The following FLYWCH1 variants were observed in gnomAD, a reference collection of about 807,000 sequenced individuals.
FLYWCH1 encodes the protein FLYWCH-type zinc finger 1.
Under a neutral mutation model 66.4 loss-of-function variants are expected in FLYWCH1, and 75 were observed. That is an observed-to-expected ratio of 1.13 (90% confidence interval 0.94 to 1.37). FLYWCH1 has a LOEUF of 1.37. FLYWCH1 is among the 40% of genes most tolerant of loss of function. FLYWCH1 has a pLI of 0.00. For synonymous variants in FLYWCH1, 595 were observed against 429.9 expected (o/e 1.38, Z -4.75); for missense variants, 1,334 against 1,001.8 (o/e 1.33, Z -4.48).
intron 8 of FLYWCH1, 177 bp from the exon 9 acceptor site, chr16:2,939,855 A>G: frequency 1.6e-6 from 1 of 606,554 alleles, no homozygotes; most frequent in Non-Finnish European, 2.7e-6. Flanking sequence ...TTAGGAGCTC[A>G]AGTAGCTGCT....
chr16:2,946,083 G>C (rs1371102584), intron 9 of FLYWCH1, among the ~76,000 whole-genome samples: 1 of 152,106 alleles, frequency 6.6e-6, no homozygotes, highest in African/African-American at 2.4e-5. Context: ...GTTTTAAACT[G>C]AGTGTAATTA....
chr16:2,948,730 C>T lies in FLYWCH1; in HGVS notation c.*3C>T, dbSNP rs548079919. 12 of 1,613,778 alleles carry T rather than the reference C, an allele frequency of 7.4e-6. No individual in the cohort carries two copies. The African/African-American group carries it at 9.3e-5, about 13-fold the overall frequency. On this transcript the variant is annotated 3_prime_UTR_variant, in exon 10 of 10. Transcript: ENST00000253928. The stretch of plus-strand genomic sequence containing the variant: ...GACTGGATGGCGAGTCCCAGTGAGG[C>T]GATGTGGGCAGAGGAGCTCCGAGCC...
intron 9 of FLYWCH1, among the ~76,000 whole-genome samples, 160 bp from the exon 10 acceptor site, chr16:2,948,528 A>C (rs187218149): frequency 7.5e-4 from 114 of 152,250 alleles, no homozygotes; most frequent in African/African-American, 2.5e-3. Flanking sequence ...GCACCACTGC[A>C]CTCCAGCCTG....
At chr16:2,925,123 C>G (rs2070512361) in intron 2 of FLYWCH1, among the ~76,000 whole-genome samples, 1 of 152,228 alleles carries the variant, frequency 6.6e-6, no homozygotes, top group African/African-American at 2.4e-5. Flanking sequence ...GTCACTGTGC[C>G]AGCCTGCATA....
At chr16:2,933,084 C>A (rs760718595) in intron 4 of FLYWCH1, 46 bp from the exon 5 acceptor site, 1 of 1,544,126 alleles carries the variant, frequency 6.5e-7, no homozygotes. Context: ...CCCTCCTGGG[C>A]TCCTCTCCAC....
intron 7 of FLYWCH1, 125 bp from the exon 8 acceptor site, chr16:2,938,059 C>T: frequency 1.1e-6 from 1 of 914,784 alleles, no homozygotes; most frequent in Middle Eastern, 3.5e-4. Context: ...GGGCAGGGAC[C>T]ACCGTGCAGC....
intron 4 of FLYWCH1, among the ~76,000 whole-genome samples, chr16:2,931,574 C>T (rs2150953190): frequency 2.0e-5 from 3 of 152,076 alleles, no homozygotes; most frequent in Admixed American, 2.0e-4. Context: ...CGGGATCACG[C>T]CACTGCCCTC....
intron 6 of FLYWCH1, 98 bp from the exon 7 acceptor site, chr16:2,937,023 G>C: frequency 8.1e-7 from 1 of 1,228,386 alleles, no homozygotes; most frequent in Non-Finnish European, 1.1e-6. Context: ...ACTGTGAGGA[G>C]GAGGTGTGGG....
rs1193586658 is a variant in FLYWCH1 at position 2,933,762 on chromosome 16, GTACGAGTCCTTCCTC to G, written c.1300_1314del (p.Glu434_Tyr438del). 6.2e-7 allele frequency: 1 copy of G among 1,611,460 alleles called. No homozygotes were observed. The highest frequency in any genetic ancestry group is 8.5e-7 in the Non-Finnish European group (1 of 1,179,080). Reference sequence around the variant, plus strand: ...CGCCCCTGGGGGGCAGCTTCCTGGTGTACGAGTCCTTCCTCTACCGGCGGGAGAAGGCGGCTGGGG... The same window carrying G: ...CGCCCCTGGGGGGCAGCTTCCTGGTGTACCGGCGGGAGAAGGCGGCTGGGG... On this transcript the variant is annotated inframe_deletion, in exon 6 of 10. Coordinates refer to ENST00000253928, the MANE Select transcript of FLYWCH1 (RefSeq NM_001308068.2).
intron 4 of FLYWCH1, 118 bp from the exon 5 acceptor site, chr16:2,933,012 G>T: frequency 1.1e-6 from 1 of 894,952 alleles, no homozygotes. Flanking sequence ...CAGGAAGCCA[G>T]GGTAAATTTC....
intron 9 of FLYWCH1, among the ~76,000 whole-genome samples, chr16:2,945,294 G>A (rs1003899090): frequency 1.9e-4 from 29 of 150,972 alleles, no homozygotes; most frequent in Middle Eastern, 3.4e-3. Flanking sequence ...AAGACCGTCC[G>A]GGCTAACACG....
chr16:2,936,582 G>A (rs1419103207), intron 6 of FLYWCH1: 2 of 456,854 alleles, frequency 4.4e-6, no homozygotes, highest in Admixed American at 2.3e-5. Context: ...ACGGAGGAAA[G>A]GGTATCCTCT....
intron 2 of FLYWCH1, among the ~76,000 whole-genome samples, chr16:2,924,664 C>G (rs2070493303): frequency 6.6e-6 from 1 of 152,166 alleles, no homozygotes; most frequent in Non-Finnish European, 1.5e-5. Context: ...GTCACGCAAC[C>G]CCCCCAGGCT....
intron 9 of FLYWCH1, among the ~76,000 whole-genome samples, chr16:2,942,183 AC>A (rs2071295196): frequency 6.6e-6 from 1 of 152,148 alleles, no homozygotes; most frequent in African/African-American, 2.4e-5. Flanking sequence ...ATGAGACCTT[AC>A]TATGGACCTC....
rs117740027 is a variant in FLYWCH1 at position 2,937,915 on chromosome 16, C to T, written c.1778-269C>T. 8.3e-4 allele frequency among the ~76,000 whole-genome samples: 126 copies of T among 152,230 alleles called. 2 individuals carry two copies. The East Asian group carries it at 0.022, about 27-fold the overall frequency. ...GGGGATGCACCTGCAAGCATGAGGT[C>T]TGAGGGGTTGGGAGAGTCCTTCAGG... On this transcript the variant is annotated intron_variant, in intron 7 of 9. Transcript: ENST00000253928.
At position 2,933,319 on chromosome 16, in the gene FLYWCH1, A is replaced by G; in HGVS notation, c.986A>G (p.His329Arg). 1 of 1,610,570 alleles carries G rather than the reference A, an allele frequency of 6.2e-7. No individual in the cohort carries two copies. Among genetic ancestry groups the G allele is most frequent in the East Asian group, 2.2e-5 (1 of 44,686 alleles). Reference sequence around the variant, plus strand: ...CAGCGGGTGACTGTGATGCGTGGGCACTGCCACCAGCCCGATATGGAGGGC... The same window carrying G: ...CAGCGGGTGACTGTGATGCGTGGGCGCTGCCACCAGCCCGATATGGAGGGC... ...QGQRVTVMRGHCHQPDMEGLE... is the reference protein window; with the variant it reads ...QGQRVTVMRGRCHQPDMEGLE... The change falls in exon 5 of 10, where the codon CAC becomes CGC. Residue 329 changes from histidine (H) to arginine (R), a missense_variant. His to Arg is a conservative substitution (Grantham distance 29). Transcript: ENST00000253928.
chr16:2,941,896 C>G (rs1459103900), intron 9 of FLYWCH1, among the ~76,000 whole-genome samples: 1 of 144,954 alleles, frequency 6.9e-6, no homozygotes, highest in African/African-American at 2.5e-5. Context: ...TGGTGGGAGC[C>G]TGTAGCAGGA....
chr16:2,933,119 C>A lies in FLYWCH1; in HGVS notation c.797-11C>A. ...CCCCTGGTGATGTGACCACTTGGGTCTCTCCTCTAGGACAGGCCCGGCCCC... is the reference window on the plus strand; with the variant it reads ...CCCCTGGTGATGTGACCACTTGGGTATCTCCTCTAGGACAGGCCCGGCCCC... On this transcript the variant is annotated splice_polypyrimidine_tract_variant and intron_variant, in intron 4 of 9. Coordinates refer to ENST00000253928, the MANE Select transcript of FLYWCH1 (RefSeq NM_001308068.2). The A allele has an allele frequency of 6.2e-7, 1 of 1,608,072 alleles. No homozygotes were observed.
At chr16:2,936,391 T>G in intron 6 of FLYWCH1, 1 of 456,558 alleles carries the variant, frequency 2.2e-6, no homozygotes, top group Non-Finnish European at 4.4e-6. Flanking sequence ...CTGCTCCACA[T>G]GGCCCCTGCC....
Sources: allele counts gnomAD v4.1 joint callset (sites outside exome capture counted in the v4.1 genomes callset), GRCh38; gene constraint gnomAD v4.1.1; transcripts MANE v1.5; gene names NCBI Gene and HGNC (gene_info 2026-07-23, HGNC 2026-07-21).